RRAGB: variants seen among roughly 807,000 people sequenced by gnomAD.
RRAGB encodes the protein ras-related GTP-binding protein B.
Under a neutral mutation model 29.3 loss-of-function variants are expected in RRAGB, and 6 were observed. The ratio of observed to expected loss-of-function variants is 0.21; its 90% CI spans 0.11 to 0.40. The LOEUF is 0.40. RRAGB is among the 10% of genes least tolerant of loss of function. The probability of loss-of-function intolerance (pLI) is 1.00; values close to 1 mark genes in which losing one functional copy is unlikely to be tolerated. For missense variants in RRAGB, 184 were observed against 272.9 expected (o/e 0.67, Z 2.29); for synonymous variants, 101 against 92.5 (o/e 1.09, Z -0.53).
chrX:55,752,456 A>C, intron 6 of RRAGB: 35 of 461,583 alleles, frequency 7.6e-5, no homozygotes, highest in Non-Finnish European at 9.1e-5. Flanking sequence ...CTGAACCCTC[A>C]TGCCTAAGTA....
chrX:55,741,998 A>G (rs2034091085), intron 5 of RRAGB, among the ~76,000 whole-genome samples: 1 of 112,308 alleles, frequency 8.9e-6, no homozygotes. Flanking sequence ...TGATACAGTA[A>G]TCCTGCGTAC....
At chrX:55,736,529 T>G (rs1466486674) in intron 5 of RRAGB, among the ~76,000 whole-genome samples, 2 of 112,322 alleles carry the variant, frequency 1.8e-5, no homozygotes, top group East Asian at 5.6e-4. Flanking sequence ...GTGATCTTTT[T>G]GGGGGTGTTG....
At chrX:55,732,894 T>C (rs1281738946) in intron 5 of RRAGB, among the ~76,000 whole-genome samples, 2 of 111,772 alleles carry the variant, frequency 1.8e-5, no homozygotes, top group Non-Finnish European at 3.8e-5. Flanking sequence ...AGCATTCCAA[T>C]AAATGAGCTC....
chrX:55,735,134 T>A (rs1213106229), intron 5 of RRAGB, among the ~76,000 whole-genome samples: 7 of 112,082 alleles, frequency 6.2e-5, no homozygotes, highest in Non-Finnish European at 1.1e-4. Flanking sequence ...GTCTGTTAAA[T>A]CCACTTTTTC....
rs774118521 is a variant in RRAGB at position 55,722,139 on chromosome X, C to T, written c.127-47C>T. The T allele has an allele frequency of 3.7e-6, 3 of 809,029 alleles. No homozygotes were observed. In the South Asian group the frequency reaches 6.9e-5, roughly 19 times the overall value. 66.7% of individuals were successfully genotyped at this position (809,029 alleles called of 1,213,427 possible). ...TAGATCCCTTTAGACTTGATTTGCT[C>T]TAGATTGCTAACTTTTTTCCTTTCC... On this transcript the variant is annotated intron_variant, in intron 2 of 9. Transcript: ENST00000374941.
rs1237265151 is a variant in RRAGB at position 55,757,325 on chromosome X, T to G, written c.937T>G (p.Ser313Ala). The G allele has an allele frequency of 8.8e-7, 1 of 1,133,294 alleles. No individual in the cohort carries two copies. The highest frequency in any genetic ancestry group is 1.2e-6 in the Non-Finnish European group (1 of 834,527). The allele number at this position is 1,133,294 out of a possible 1,213,427, so 93.4% of individuals were successfully genotyped here. The change falls in exon 9 of 10, where the codon TCC (serine) becomes GCC (alanine). Residue 313 changes from serine to alanine, a missense_variant. Physicochemically the swap from Ser to Ala is moderately conservative, Grantham distance 99. Transcript: ENST00000374941. ...TGTGATGGTTGTGATGTCTGATCCG[T>G]CCATTCGTAAGTTTAAACTTAGCTG... The part of the protein sequence containing the change: ...TYVMVVMSDP[S>A]IPSAATLINI...
chrX:55,724,161 G>A (rs745691820), intron 3 of RRAGB, among the ~76,000 whole-genome samples: 72 of 111,757 alleles, frequency 6.4e-4, no homozygotes, highest in African/African-American at 2.3e-3. Context: ...TTCCCTTTCA[G>A]ATATGTTGTT....
intron 3 of RRAGB, chrX:55,727,244 C>T: frequency 9.1e-7 from 1 of 1,099,206 alleles, no homozygotes; most frequent in Non-Finnish European, 1.2e-6. Context: ...TCACTGACTC[C>T]TGTCACTTCT....
chrX:55,728,624 A>G (rs2033563564), intron 3 of RRAGB, among the ~76,000 whole-genome samples: 1 of 111,672 alleles, frequency 9.0e-6, no homozygotes, highest in Non-Finnish European at 1.9e-5. Flanking sequence ...AAGTAGTGTT[A>G]AGAAGATGAG....
chrX:55,734,277 T>A (rs2033794242), intron 5 of RRAGB, among the ~76,000 whole-genome samples: 2 of 109,955 alleles, frequency 1.8e-5, no homozygotes, highest in Admixed American at 1.9e-4. Flanking sequence ...TTTTTTTTTT[T>A]TTTATTACTG....
chrX:55,748,710 C>T (rs1392539238), intron 5 of RRAGB, among the ~76,000 whole-genome samples: 5 of 111,979 alleles, frequency 4.5e-5, no homozygotes, highest in Non-Finnish European at 5.7e-5. Context: ...CGTCTCCGCC[C>T]GGCAGCCACC....
intron 5 of RRAGB, among the ~76,000 whole-genome samples, chrX:55,736,754 T>C (rs1459674714): frequency 8.9e-6 from 1 of 112,297 alleles, no homozygotes; most frequent in Non-Finnish European, 1.9e-5. Context: ...GTATGAGCTC[T>C]TTGGTTGTAG....
Position 55,722,171 on chromosome X carries a change from C to G in RRAGB, c.127-15C>G, listed in dbSNP as rs754020922. 9.2e-7 allele frequency: 1 copy of G among 1,088,838 alleles called. No homozygotes were observed. Among genetic ancestry groups the G allele is most frequent in the South Asian group, 2.0e-5 (1 of 50,218 alleles). 89.7% of individuals were successfully genotyped at this position (1,088,838 alleles called of 1,213,427 possible). A position where few individuals can be genotyped will look rare whatever the true frequency, so the allele number is the denominator to read the frequency against. On this transcript the variant is annotated splice_polypyrimidine_tract_variant and intron_variant, in intron 2 of 9. Coordinates refer to ENST00000374941, the MANE Select transcript of RRAGB (RefSeq NM_006064.5). ...GCTAACTTTTTTCCTTTCCTTTTCCCTACTTTGTCCTTAGGTGCTGTTGAT... is the reference window on the plus strand; with the variant it reads ...GCTAACTTTTTTCCTTTCCTTTTCCGTACTTTGTCCTTAGGTGCTGTTGAT...
At chrX:55,749,362 TG>T (rs1202486386) in intron 5 of RRAGB, among the ~76,000 whole-genome samples, 1 of 59,239 alleles carries the variant, frequency 1.7e-5, no homozygotes, top group African/African-American at 6.8e-5. Flanking sequence ...GGGAGGGAGG[TG>T]GGGGGGTCAG....
intron 2 of RRAGB, 110 bp downstream of exon 2, chrX:55,719,457 C>T (rs1401920297): frequency 3.2e-5 from 16 of 498,950 alleles, no homozygotes; most frequent in Non-Finnish European, 4.6e-5. Context: ...CAGGAGCCTT[C>T]TGTGTGGTCT....
rs2033308013 is a variant in RRAGB at position 55,722,252 on chromosome X, A to G, written c.193A>G (p.Ile65Val). 1 of 1,197,543 alleles carries G rather than the reference A, an allele frequency of 8.4e-7. No individual in the cohort carries two copies. Among genetic ancestry groups the G allele is most frequent in the African/African-American group, 1.7e-5 (1 of 57,656 alleles). Residue 65 changes from isoleucine to valine, a missense_variant, in exon 3 of 10, where the codon ATT (isoleucine) becomes GTT (valine). Transcript: ENST00000374941. ...GAGGTCTATTATCTTTGCAAATTATATTGCCAGAGACACACGTCGCCTTGG... is the reference window on the plus strand; with the variant it reads ...GAGGTCTATTATCTTTGCAAATTATGTTGCCAGAGACACACGTCGCCTTGG... ...SMRSIIFANY[I>V]ARDTRRLGAT...
intron 3 of RRAGB, among the ~76,000 whole-genome samples, chrX:55,722,765 A>G (rs762569668): frequency 2.7e-5 from 3 of 112,214 alleles, no homozygotes; most frequent in Non-Finnish European, 5.6e-5. Flanking sequence ...GGATACACAT[A>G]GATGATCTCA....
intron 9 of RRAGB, among the ~76,000 whole-genome samples, chrX:55,758,032 T>C (rs2034702387): frequency 8.9e-6 from 1 of 112,412 alleles, no homozygotes; most frequent in Admixed American, 9.4e-5. Context: ...CAAAAGATTT[T>C]GGAAATTTAT....
chrX:55,740,302 A>C (rs1006553205), intron 5 of RRAGB, among the ~76,000 whole-genome samples: 7 of 110,712 alleles, frequency 6.3e-5, no homozygotes, highest in African/African-American at 2.3e-4. Context: ...TGGCCTGGGC[A>C]AAAGAGCAAG....
Sources: allele counts gnomAD v4.1 joint callset (sites outside exome capture counted in the v4.1 genomes callset), GRCh38; gene constraint gnomAD v4.1.1; transcripts MANE v1.5; gene names NCBI Gene and HGNC (gene_info 2026-07-23, HGNC 2026-07-21).